Variants in DPYD observed in about 807,000 individuals in gnomAD.
The protein encoded by DPYD is dihydropyrimidine dehydrogenase [NADP(+)].
In DPYD, 109 loss-of-function variants were observed where a neutral mutation model predicts 116.2. The ratio of observed to expected loss-of-function variants is 0.94; its 90% CI spans 0.80 to 1.10. The LOEUF is 1.10. Ranked by LOEUF, DPYD falls within the 50% of genes least tolerant of loss-of-function variation. The pLI is 0.00. For synonymous variants in DPYD, 440 were observed against 432.0 expected, an observed-to-expected ratio of 1.02 and a Z score of -0.23; for missense variants, 1,302 against 1,254.5, an observed-to-expected ratio of 1.04 and a Z score of -0.57.
At chr1:97,203,563 G>T (rs191061253) in intron 19 of DPYD, among the ~76,000 whole-genome samples, 1 of 148,746 alleles carries the variant, frequency 6.7e-6, no homozygotes, top group Non-Finnish European at 1.5e-5. Flanking sequence ...CACCAGCATG[G>T]CACATGTATA....
chr1:97,179,356 G>T (rs1322554419), intron 20 of DPYD, among the ~76,000 whole-genome samples: 6 of 152,076 alleles, frequency 3.9e-5, no homozygotes, highest in Non-Finnish European at 7.4e-5. Context: ...GGTTTGAAAG[G>T]TGCCCAGATT....
At position 97,519,631 on chromosome 1, in the gene DPYD, T is replaced by C. The variant is rs78717492; in HGVS notation, c.1525-3690A>G. On this transcript the variant is annotated intron_variant, in intron 12 of 22. Coordinates refer to ENST00000370192, the MANE Select transcript of DPYD (RefSeq NM_000110.4). Reference sequence around the variant, plus strand: ...AGAGCTAGAACAATCAAAGAGACTATCTACTTTAAAAGCTTTATTTTACAA... The same window carrying C: ...AGAGCTAGAACAATCAAAGAGACTACCTACTTTAAAAGCTTTATTTTACAA... Among the ~76,000 whole-genome samples the C allele has an allele frequency of 6.0e-3, 919 of 152,266 alleles. 14 individuals carry two copies. Among genetic ancestry groups the C allele is most frequent in the South Asian group, 0.052 (253 of 4,826 alleles).
intron 14 of DPYD, among the ~76,000 whole-genome samples, chr1:97,431,628 G>A (rs1224116503): frequency 1.3e-5 from 2 of 151,994 alleles, no homozygotes; most frequent in Admixed American, 6.6e-5. Context: ...TTTGATACAA[G>A]CATACAATGT....
intron 10 of DPYD, among the ~76,000 whole-genome samples, chr1:97,589,959 T>C (rs894401049): frequency 6.6e-6 from 1 of 152,146 alleles, no homozygotes; most frequent in African/African-American, 2.4e-5. Context: ...ACTCAAGAAA[T>C]TAGGGCCAAT....
intron 3 of DPYD, among the ~76,000 whole-genome samples, chr1:97,751,333 CAT>C (rs1180115726): frequency 5.5e-5 from 8 of 146,576 alleles, no homozygotes; most frequent in Admixed American, 4.1e-4. Flanking sequence ...TATACACACA[CAT>C]ATATCTATAC....
At chr1:97,668,088 T>C (rs895283998) in intron 8 of DPYD, among the ~76,000 whole-genome samples, 1 of 152,172 alleles carries the variant, frequency 6.6e-6, no homozygotes, top group Non-Finnish European at 1.5e-5. Context: ...ATAGTGCTGA[T>C]GGTTGCACAA....
At chr1:97,476,714 G>C (rs1677982605) in intron 13 of DPYD, among the ~76,000 whole-genome samples, 1 of 151,892 alleles carries the variant, frequency 6.6e-6, no homozygotes, top group Non-Finnish European at 1.5e-5. Flanking sequence ...ACCATGTTTA[G>C]CATTATCGCA....
intron 12 of DPYD, among the ~76,000 whole-genome samples, chr1:97,538,541 A>G (rs1650190583): frequency 6.6e-6 from 1 of 152,192 alleles, no homozygotes; most frequent in Non-Finnish European, 1.5e-5. Context: ...GAAAATACAC[A>G]CAGAAAAAAT....
chr1:97,306,192 T>C lies in DPYD; in HGVS notation c.2164A>G (p.Arg722Gly). The C allele has an allele frequency of 6.2e-7, 1 of 1,612,470 alleles. No individual in the cohort carries two copies. The highest frequency in any genetic ancestry group is 8.5e-7 in the Non-Finnish European group (1 of 1,178,834). The change falls in exon 17 of 23, where the codon AGA becomes GGA. Residue 722 changes from arginine to glycine, a missense_variant. Arg to Gly is a moderately radical substitution (Grantham distance 125). Coordinates refer to ENST00000370192, the MANE Select transcript of DPYD (RefSeq NM_000110.4). ...PNVTDIVSIA[R>G]AAKEGGANGV... is the part of the protein sequence containing the mutation. ...AAGTTCTTACCTTCCTTTGCAGCTC[T>C]TGCGATGCTCACAATATCAGTGACA...
At chr1:97,236,887 A>G (rs1400177785) in intron 18 of DPYD, among the ~76,000 whole-genome samples, 3 of 152,056 alleles carry the variant, frequency 2.0e-5, no homozygotes, top group Admixed American at 6.5e-5. Flanking sequence ...CTTCCTCTCA[A>G]TTTTGCTGTG....
chr1:97,224,647 T>G (rs373992429), intron 19 of DPYD, among the ~76,000 whole-genome samples: 2 of 152,052 alleles, frequency 1.3e-5, no homozygotes, highest in African/African-American at 4.8e-5. Flanking sequence ...ATCCTTGAAC[T>G]GCATCTCTTT....
At chr1:97,177,540 A>G (rs1032710926) in intron 20 of DPYD, among the ~76,000 whole-genome samples, 10 of 151,994 alleles carry the variant, frequency 6.6e-5, no homozygotes, top group East Asian at 1.9e-4. Context: ...GTGAAGGGAT[A>G]AAGAAATTCA....
At chr1:97,839,141 TAACA>T (rs1449893570) in intron 2 of DPYD, among the ~76,000 whole-genome samples, 2 of 152,220 alleles carry the variant, frequency 1.3e-5, no homozygotes, top group Non-Finnish European at 2.9e-5. Context: ...AACGTTTTAG[TAACA>T]AACATACTAT....
chr1:97,444,782 C>G (rs942371066), intron 14 of DPYD, among the ~76,000 whole-genome samples: 2 of 152,022 alleles, frequency 1.3e-5, no homozygotes, highest in African/African-American at 4.8e-5. Context: ...GGTTCTTAAC[C>G]GGCGGTCCAG....
At chr1:97,635,828 C>T (rs555924852) in intron 8 of DPYD, among the ~76,000 whole-genome samples, 12 of 152,142 alleles carry the variant, frequency 7.9e-5, no homozygotes, top group African/African-American at 2.9e-4. Flanking sequence ...TTGTTTGCTT[C>T]TTTGTTTTTG....
At chr1:97,376,380 AT>A (rs142542730) in intron 15 of DPYD, among the ~76,000 whole-genome samples, 6,856 of 152,196 alleles carry the variant, frequency 0.045, 263 homozygotes, top group East Asian at 0.17. Flanking sequence ...TCAATATAAA[AT>A]TTTTTCACTG....
rs147644631 is a variant in DPYD at position 97,590,360 on chromosome 1, G to A, written c.1128+2858C>T. 2.5e-3 allele frequency among the ~76,000 whole-genome samples: 380 copies of A among 152,222 alleles called. 4 individuals carry two copies. The East Asian group carries it at 0.027, about 11-fold the overall frequency. On this transcript the variant is annotated intron_variant, in intron 10 of 22. Coordinates refer to ENST00000370192, the MANE Select transcript of DPYD (RefSeq NM_000110.4). ...TATCTAACTTGGAAGGTATTAGCCC[G>A]TGTAATGCTAGAAAGCCTTCGGTGC...
In DPYD at chr1:97,265,032, G is replaced by T. The variant is rs144698664; in HGVS notation, c.2300-30038C>A. Among the ~76,000 whole-genome samples the T allele has an allele frequency of 4.0e-3, 607 of 152,192 alleles. 11 individuals carry two copies. Among genetic ancestry groups the T allele is most frequent in the African/African-American group, 0.014 (584 of 41,542 alleles). On this transcript the variant is annotated intron_variant, in intron 18 of 22. Coordinates refer to ENST00000370192, the MANE Select transcript of DPYD (RefSeq NM_000110.4). ...CCCAATAGATAGTAATAGCAAGACT[G>T]TCCCGTTCATCCGTGGACAGTGCCA... is the stretch of plus-strand genomic sequence containing the variant.
In DPYD at chr1:97,450,062, G is replaced by T; in HGVS notation, c.1902C>A (p.Asp634Glu). The T allele has an allele frequency of 6.2e-7, 1 of 1,613,802 alleles. No homozygotes were observed. The highest frequency in any genetic ancestry group is 8.5e-7 in the Non-Finnish European group (1 of 1,179,792). ...SVTELKADFP[D>E]NIVIASIMCS... ...TTAGATGTTAAATCACACTTACGTT[G>T]TCTGGAAAGTCAGCCTTTAGTTCAG... Residue 634 changes from aspartate (D) to glutamate (E), a missense_variant, in exon 14 of 23, where the codon GAC (aspartate) becomes GAA (glutamate). Asp to Glu is a conservative substitution (Grantham distance 45, BLOSUM62 2). Coordinates refer to ENST00000370192, the MANE Select transcript of DPYD (RefSeq NM_000110.4).
Sources: allele counts gnomAD v4.1 joint callset (sites outside exome capture counted in the v4.1 genomes callset), GRCh38; gene constraint gnomAD v4.1.1; transcripts MANE v1.5; gene names NCBI Gene and HGNC (gene_info 2026-07-23, HGNC 2026-07-21).